LYSMD2: variants seen among roughly 807,000 people sequenced by gnomAD.
The protein encoded by LYSMD2 is lysM and putative peptidoglycan-binding domain-containing protein 2.
A neutral mutation model predicts 17.7 loss-of-function variants in LYSMD2; 6 were observed. That is an observed-to-expected ratio of 0.34 (90% CI 0.19 to 0.67). The LOEUF (loss-of-function observed/expected upper bound fraction) is 0.67, where lower values mean the gene tolerates loss of function less well. LYSMD2 is among the 30% of genes least tolerant of loss of function. LYSMD2 has a pLI of 0.69. For synonymous variants in LYSMD2, 102 were observed against 129.8 expected (o/e 0.79, Z 1.45); for missense variants, 237 against 286.7 (o/e 0.83, Z 1.25).
intron 1 of LYSMD2, among the ~76,000 whole-genome samples, chr15:51,729,310 T>C (rs1284592605): frequency 6.6e-6 from 1 of 152,254 alleles, no homozygotes; most frequent in Admixed American, 6.5e-5. Flanking sequence ...GGGAGTGACA[T>C]GATCTGATCA....
chr15:51,749,154 T>A (rs1273343584), intron 1 of LYSMD2, among the ~76,000 whole-genome samples: 2 of 152,186 alleles, frequency 1.3e-5, no homozygotes, highest in Non-Finnish European at 2.9e-5. Context: ...GGTCCAGAAA[T>A]GATCATGGGT....
intron 1 of LYSMD2, among the ~76,000 whole-genome samples, chr15:51,746,589 A>T (rs1354018690): frequency 1.3e-5 from 2 of 152,178 alleles, no homozygotes; most frequent in East Asian, 3.8e-4. Context: ...GTGCATTTTA[A>T]AAAGGTGAAT....
In LYSMD2 at chr15:51,723,494, T is replaced by C; in HGVS notation, c.*113A>G. On this transcript the variant is annotated 3_prime_UTR_variant, in exon 3 of 3. Coordinates refer to ENST00000267838, the MANE Select transcript of LYSMD2 (RefSeq NM_153374.3). Reference sequence around the variant, plus strand: ...GCAGGTAGAACTACCTAGTTATGATTTTAAGATGGACACTATAGGAATCCA... The same window carrying C: ...GCAGGTAGAACTACCTAGTTATGATCTTAAGATGGACACTATAGGAATCCA... The C allele has an allele frequency of 1.2e-6, 1 of 865,816 alleles. No homozygotes were observed. Among genetic ancestry groups the C allele is most frequent in the South Asian group, 1.4e-5 (1 of 73,288 alleles). 53.6% of individuals were successfully genotyped at this position (865,816 alleles called of 1,614,324 possible).
chr15:51,743,218 T>C (rs1384361113), intron 1 of LYSMD2, among the ~76,000 whole-genome samples: 1 of 152,206 alleles, frequency 6.6e-6, no homozygotes, highest in Non-Finnish European at 1.5e-5. Context: ...TCAAACCATC[T>C]TCCCACCTCA....
At chr15:51,734,945 T>A (rs950308632) in intron 1 of LYSMD2, among the ~76,000 whole-genome samples, 1 of 152,120 alleles carries the variant, frequency 6.6e-6, no homozygotes, top group African/African-American at 2.4e-5. Context: ...GAGGCTGAGG[T>A]GGGTGGATTG....
chr15:51,747,034 A>AC (rs1218994215), intron 1 of LYSMD2, among the ~76,000 whole-genome samples: 8 of 150,970 alleles, frequency 5.3e-5, no homozygotes, highest in Admixed American at 5.3e-4. Context: ...AAAAAAAAAA[A>AC]AAAAAAAATA....
At position 51,737,047 on chromosome 15, in the gene LYSMD2, G is replaced by A. The variant is rs1056501219; in HGVS notation, c.273+303C>T. Among the ~76,000 whole-genome samples the A allele has an allele frequency of 6.6e-6, 1 of 152,182 alleles. No homozygotes were observed. On this transcript the variant is annotated intron_variant, in intron 1 of 2. Coordinates refer to ENST00000267838, the MANE Select transcript of LYSMD2 (RefSeq NM_153374.3). The surrounding 1 kb of genome is among the most constrained non-coding windows in gnomAD (Gnocchi z 4.2). ...CCTAGTCCTCTTCGGCCTCCCTCACGCGACAGATCTAGTCTGAGCCTGGGC... is the reference window on the plus strand; with the variant it reads ...CCTAGTCCTCTTCGGCCTCCCTCACACGACAGATCTAGTCTGAGCCTGGGC...
intron 1 of LYSMD2, among the ~76,000 whole-genome samples, chr15:51,745,256 G>A (rs1048686980): frequency 1.3e-5 from 2 of 151,966 alleles, no homozygotes; most frequent in African/African-American, 2.4e-5. Context: ...TCATTTTATA[G>A]TGCCAGTATT....
At chr15:51,737,687 C>T, upstream of LYSMD2, 3 of 1,106,542 alleles carry the variant, frequency 2.7e-6, no homozygotes, top group Non-Finnish European at 3.4e-6. The surrounding 1 kb of genome is among the most constrained non-coding windows in gnomAD (Gnocchi z 4.2). Flanking sequence ...CCTCCTCCGC[C>T]GCCGCCGCCG....
Position 51,723,541 on chromosome 15 carries a change from CAGT to C in LYSMD2, c.*63_*65del. The C allele has an allele frequency of 7.8e-7, 1 of 1,281,310 alleles. No homozygotes were observed. Among genetic ancestry groups the C allele is most frequent in the Non-Finnish European group, 1.1e-6 (1 of 878,970 alleles). The allele number at this position is 1,281,310 out of a possible 1,614,324, so 79.4% of individuals were successfully genotyped here. A position where few individuals can be genotyped will look rare whatever the true frequency, so the allele number is the denominator to read the frequency against. On this transcript the variant is annotated 3_prime_UTR_variant, in exon 3 of 3. Coordinates refer to ENST00000267838, the MANE Select transcript of LYSMD2 (RefSeq NM_153374.3). ...TCCAGAAGGGATGTTTTTGAATCTT[CAGT>C]TGTTGGATTCTTTATGGTCCAAACA...
chr15:51,742,453 T>C (rs886604821), upstream of LYSMD2, among the ~76,000 whole-genome samples: 1 of 152,266 alleles, frequency 6.6e-6, no homozygotes, highest in African/African-American at 2.4e-5. Context: ...ATTTTTCCTT[T>C]TGTGTCTGGC....
At chr15:51,730,216 A>T (rs1481025568) in intron 1 of LYSMD2, among the ~76,000 whole-genome samples, 1 of 152,310 alleles carries the variant, frequency 6.6e-6, no homozygotes, top group Non-Finnish European at 1.5e-5. Context: ...CGTACTGAAA[A>T]TGACTCCCCA....
chr15:51,751,278 C>A (rs2141606856), exon 1 of LYSMD2: 1 of 702,392 alleles, frequency 1.4e-6, no homozygotes, highest in Non-Finnish European at 2.6e-6. Context: ...TACCTGAGAC[C>A]GCTCTCAACG....
At chr15:51,746,762 G>A (rs1283334956) in intron 1 of LYSMD2, among the ~76,000 whole-genome samples, 2 of 151,818 alleles carry the variant, frequency 1.3e-5, no homozygotes, top group East Asian at 1.9e-4. Context: ...TCCCACACTC[G>A]ATAATTTTTA....
chr15:51,732,839 C>A (rs2055585181), intron 1 of LYSMD2, among the ~76,000 whole-genome samples: 1 of 152,262 alleles, frequency 6.6e-6, no homozygotes, highest in Non-Finnish European at 1.5e-5. Context: ...AGCTGCTATC[C>A]TCTCCCACCT....
intron 1 of LYSMD2, among the ~76,000 whole-genome samples, chr15:51,747,017 T>TAAAAA (rs1050919768): frequency 3.0e-5 from 2 of 65,786 alleles, no homozygotes; most frequent in Non-Finnish European, 5.8e-5. Flanking sequence ...CTGTCTCTAC[T>TAAAAA]AAAAAAAAAA....
At chr15:51,724,479 G>C (rs1290181321) in intron 2 of LYSMD2, among the ~76,000 whole-genome samples, 3 of 152,092 alleles carry the variant, frequency 2.0e-5, no homozygotes, top group Non-Finnish European at 4.4e-5. Context: ...ACTTTTTATA[G>C]TAAATAACAG....
chr15:51,730,554 C>A (rs537015290), intron 1 of LYSMD2, among the ~76,000 whole-genome samples: 132 of 152,230 alleles, frequency 8.7e-4, no homozygotes, highest in African/African-American at 3.0e-3. Context: ...TACAATGATT[C>A]CCCTGTGAAG....
chr15:51,734,582 G>A (rs1261525675), intron 1 of LYSMD2, among the ~76,000 whole-genome samples: 1 of 152,206 alleles, frequency 6.6e-6, no homozygotes, highest in Non-Finnish European at 1.5e-5. Context: ...TTGCCATGGA[G>A]AGACAGGCTT....
Sources: gnomAD v4.1 joint callset for allele counts (sites outside exome capture counted in the v4.1 genomes callset) on GRCh38, gnomAD v4.1.1 for gene constraint, Gnocchi (gnomAD v3.1) non-coding constraint, MANE v1.5 for transcripts, NCBI Gene and HGNC (gene_info 2026-07-23, HGNC 2026-07-21) for gene names.